The following PPEF2 variants were observed in gnomAD, a reference collection of about 807,000 sequenced individuals.
The protein encoded by PPEF2 is protein phosphatase with EF-hand domain 2.
Under a neutral mutation model 84.7 loss-of-function variants are expected in PPEF2, and 84 were observed. The observed-to-expected ratio is 0.99, with a 90% CI of 0.83 to 1.19. The LOEUF (loss-of-function observed/expected upper bound fraction) is 1.19, where lower values mean the gene tolerates loss of function less well. Among genes scored for constraint, PPEF2 ranks in the 50% most tolerant of loss-of-function variants. The probability of loss-of-function intolerance (pLI) is 0.00; values close to 1 mark genes in which losing one functional copy is unlikely to be tolerated. For synonymous variants in PPEF2, 346 were observed against 345.2 expected (o/e 1.00, Z -0.03); for missense variants, 924 against 937.5 (o/e 0.99, Z 0.19).
chr4:75,887,570 G>A (rs1419521856), intron 6 of PPEF2, among the ~76,000 whole-genome samples: 8 of 149,868 alleles, frequency 5.3e-5, no homozygotes, highest in Non-Finnish European at 1.2e-4. Context: ...GCAGTGAGCC[G>A]AGATTGCACC....
chr4:75,862,722 A>T (rs1724036856), intron 16 of PPEF2, among the ~76,000 whole-genome samples: 1 of 152,226 alleles, frequency 6.6e-6, no homozygotes, highest in South Asian at 2.1e-4. Context: ...ATGTACAGCT[A>T]CTGTGAGAAA....
Position 75,884,635 on chromosome 4 carries a change from A to G in PPEF2, c.705T>C (p.His235=). 1 of 1,613,300 alleles carries G rather than the reference A, an allele frequency of 6.2e-7. No individual in the cohort carries two copies. The highest frequency in any genetic ancestry group is 8.5e-7 in the Non-Finnish European group (1 of 1,179,774). ...GGTCCTCATGGTTTCCTCTGTTAAGATGGAACTCTTTGGGGTAAACCAGCA... is the reference window on the plus strand; with the variant it reads ...GGTCCTCATGGTTTCCTCTGTTAAGGTGGAACTCTTTGGGGTAAACCAGCA... ...AFMLVYPKEF[H]LNRGNHEDHM... is the part of the protein sequence containing the mutation. The change falls in exon 8 of 17, where the codon CAT becomes CAC. Residue 235 remains histidine (H), a synonymous_variant. Coordinates refer to ENST00000286719, the MANE Select transcript of PPEF2 (RefSeq NM_006239.3).
rs1724888844 is a variant in PPEF2 at position 75,891,708 on chromosome 4, G to T, written c.184-3C>A. 17 of 1,610,696 alleles carry T rather than the reference G, an allele frequency of 1.1e-5. No homozygotes were observed. The highest frequency in any genetic ancestry group is 1.4e-5 in the Non-Finnish European group (17 of 1,178,660). ...AGATAGCTGAAGAAGTCATGGAGCT[G>T]CAGAAGAACCCAAGGAGACGTGGCT... On this transcript the variant is annotated splice_polypyrimidine_tract_variant and splice_region_variant and intron_variant, in intron 3 of 16. Transcript: ENST00000286719.
intron 16 of PPEF2, among the ~76,000 whole-genome samples, chr4:75,862,021 G>A (rs1213669827): frequency 2.6e-5 from 4 of 151,040 alleles, no homozygotes; most frequent in African/African-American, 9.7e-5. Flanking sequence ...CAGGCTGGTC[G>A]CAGTGGCTCA....
chr4:75,864,111 G>A (rs1724072197), intron 16 of PPEF2, among the ~76,000 whole-genome samples: 1 of 151,964 alleles, frequency 6.6e-6, no homozygotes, highest in Non-Finnish European at 1.5e-5. Context: ...GACTTCAGGT[G>A]ATTCACCTGC....
chr4:75,861,481 T>A (rs1288728025), intron 16 of PPEF2, among the ~76,000 whole-genome samples: 2 of 149,568 alleles, frequency 1.3e-5, no homozygotes, highest in African/African-American at 4.9e-5. Flanking sequence ...AGAGTAAAGC[T>A]AGATACCTAC....
At chr4:75,880,420 ATCATT>A (rs2149220754) in intron 10 of PPEF2, among the ~76,000 whole-genome samples, 1 of 152,314 alleles carries the variant, frequency 6.6e-6, no homozygotes, top group Admixed American at 6.5e-5. Flanking sequence ...CTTGGACTGT[ATCATT>A]TGCTGCATCA....
chr4:75,860,548 A>T lies in PPEF2; in HGVS notation c.*119T>A. ...ACACTGAAATACACAGGTGATTCTGATGCATATGGATAGGTAAATTTTCAG... is the reference window on the plus strand; with the variant it reads ...ACACTGAAATACACAGGTGATTCTGTTGCATATGGATAGGTAAATTTTCAG... On this transcript the variant is annotated 3_prime_UTR_variant, in exon 17 of 17. Coordinates refer to ENST00000286719, the MANE Select transcript of PPEF2 (RefSeq NM_006239.3). 1.4e-5 allele frequency: 16 copies of T among 1,182,940 alleles called. No homozygotes were observed. The highest frequency in any genetic ancestry group is 4.5e-5 in the African/African-American group (3 of 65,950). The allele number at this position is 1,182,940 out of a possible 1,614,324, so 73.3% of individuals were successfully genotyped here.
chr4:75,872,051 C>T lies in PPEF2; in HGVS notation c.1623G>A (p.Val541=). The T allele has an allele frequency of 6.2e-7, 1 of 1,612,004 alleles. No individual in the cohort carries two copies. Among genetic ancestry groups the T allele is most frequent in the Non-Finnish European group, 8.5e-7 (1 of 1,179,404 alleles). The change falls in exon 13 of 17, where the codon GTG becomes GTA. Residue 541 remains valine, a synonymous_variant. Coordinates refer to ENST00000286719, the MANE Select transcript of PPEF2 (RefSeq NM_006239.3). ...PHIVQYQANK[V]THTLTMRQRI... is the part of the protein sequence containing the mutation. ...TTTGCCTCATGGTGAGTGTGTGGGT[C>T]ACCTTGTTAGCTTGATACTGCACAA...
chr4:75,868,795 G>A (rs775352495), intron 13 of PPEF2, among the ~76,000 whole-genome samples: 25 of 152,152 alleles, frequency 1.6e-4, no homozygotes, highest in Non-Finnish European at 2.8e-4. Context: ...TTGAGGCCAG[G>A]AGCTCAAGAC....
chr4:75,860,326 G>A lies in PPEF2; in HGVS notation c.*341C>T, dbSNP rs1429870483. The A allele has an allele frequency of 3.8e-6, 1 of 265,808 alleles. No individual in the cohort carries two copies. Among genetic ancestry groups the A allele is most frequent in the African/African-American group, 2.2e-5 (1 of 44,922 alleles). The allele number at this position is 265,808 out of a possible 1,614,324, so 16.5% of individuals were successfully genotyped here. ...CAATGCACTCCAGCCTGGGCAACAAGAGAGAAACTCCATCTCAAAAAAACG... is the reference window on the plus strand; with the variant it reads ...CAATGCACTCCAGCCTGGGCAACAAAAGAGAAACTCCATCTCAAAAAAACG... On this transcript the variant is annotated 3_prime_UTR_variant, in exon 17 of 17. Coordinates refer to ENST00000286719, the MANE Select transcript of PPEF2 (RefSeq NM_006239.3).
chr4:75,880,806 T>TA, intron 10 of PPEF2, among the ~76,000 whole-genome samples: 1 of 38,778 alleles, frequency 2.6e-5, no homozygotes, highest in Non-Finnish European at 1.9e-4. Context: ...TATAAATACT[T>TA]TTTTTTTTTT....
intron 2 of PPEF2, 135 bp downstream of exon 2, chr4:75,896,136 A>C: frequency 1.1e-6 from 1 of 900,014 alleles, no homozygotes; most frequent in Non-Finnish European, 1.8e-6. Context: ...CAAGGAGGAG[A>C]AGCTGACCTC....
chr4:75,876,238 T>C, intron 11 of PPEF2, 49 bp downstream of exon 11: 1 of 1,535,206 alleles, frequency 6.5e-7, no homozygotes, highest in Admixed American at 2.0e-5. Flanking sequence ...GGGAGAGTTT[T>C]GACCTGTTGG....
At position 75,872,010 on chromosome 4, in the gene PPEF2, A is replaced by AT; in HGVS notation, c.1649+14dup. ...TAATTTTTTTTTCTGAAAATCACTC[A>AT]TTGAAAAGTCTTGCCTTTGCCTCAT... On this transcript the variant is annotated intron_variant, in intron 13 of 16. Coordinates refer to ENST00000286719, the MANE Select transcript of PPEF2 (RefSeq NM_006239.3). 6.4e-7 allele frequency: 1 copy of AT among 1,562,212 alleles called. No homozygotes were observed. Among genetic ancestry groups the AT allele is most frequent in the South Asian group, 1.2e-5 (1 of 83,560 alleles).
intron 2 of PPEF2, among the ~76,000 whole-genome samples, chr4:75,895,772 A>C (rs994869321): frequency 6.6e-5 from 10 of 151,454 alleles, no homozygotes; most frequent in Non-Finnish European, 1.2e-4. Flanking sequence ...AGGATCCTTG[A>C]TCTGTCGTCC....
chr4:75,870,877 C>CCATTTATTTATT (rs1724252633), intron 13 of PPEF2, among the ~76,000 whole-genome samples: 1 of 25,136 alleles, frequency 4.0e-5, no homozygotes, highest in Non-Finnish European at 9.1e-5. Context: ...TCAAAAGCTA[C>CCATTTATTTATT]CATTTATTTA....
rs751077205 is a variant in PPEF2 at position 75,873,321 on chromosome 4, A to T, written c.1321-9T>A. The T allele has an allele frequency of 6.3e-7, 1 of 1,594,712 alleles. No homozygotes were observed. The highest frequency in any genetic ancestry group is 1.1e-5 in the South Asian group (1 of 88,092). On this transcript the variant is annotated splice_polypyrimidine_tract_variant and intron_variant, in intron 11 of 16. Transcript: ENST00000286719. ...CACAGGATATCTACAACCTGAGAAG[A>T]CCAAGAGATGATTTCCTTCCCAAAA...
rs767352212 is a variant in PPEF2 at position 75,891,725 on chromosome 4, G to T, written c.184-20C>A. 1 of 1,608,526 alleles carries T rather than the reference G, an allele frequency of 6.2e-7. No individual in the cohort carries two copies. Among genetic ancestry groups the T allele is most frequent in the East Asian group, 2.2e-5 (1 of 44,876 alleles). ...ATGGAGCTGCAGAAGAACCCAAGGA[G>T]ACGTGGCTTTAGAGGTGAGCGAAAA... On this transcript the variant is annotated intron_variant, in intron 3 of 16. Coordinates refer to ENST00000286719, the MANE Select transcript of PPEF2 (RefSeq NM_006239.3).
Sources: allele counts gnomAD v4.1 joint callset (sites outside exome capture counted in the v4.1 genomes callset), GRCh38; gene constraint gnomAD v4.1.1; transcripts MANE v1.5; gene names NCBI Gene and HGNC (gene_info 2026-07-23, HGNC 2026-07-21).